The following PRKAA2 variants were observed in gnomAD, a reference collection of about 807,000 sequenced individuals.
PRKAA2 encodes 5'-AMP-activated protein kinase catalytic subunit alpha-2.
A neutral mutation model predicts 56.3 loss-of-function variants in PRKAA2; 40 were observed. That is an observed-to-expected ratio of 0.71 (90% CI 0.55 to 0.92). The LOEUF (loss-of-function observed/expected upper bound fraction) is 0.92, where lower values mean the gene tolerates loss of function less well. Ranked by LOEUF, PRKAA2 falls within the 40% of genes least tolerant of loss-of-function variation. The probability of loss-of-function intolerance (pLI) is 0.00; values close to 1 mark genes in which losing one functional copy is unlikely to be tolerated. For synonymous variants in PRKAA2, 214 were observed against 234.2 expected (o/e 0.91, Z 0.79); for missense variants, 542 against 686.9 (o/e 0.79, Z 2.36).
At chr1:56,701,992 G>A (rs1203491238) in intron 6 of PRKAA2, among the ~76,000 whole-genome samples, 1 of 151,986 alleles carries the variant, frequency 6.6e-6, no homozygotes, top group African/African-American at 2.4e-5. Flanking sequence ...AGCTGTAGAA[G>A]TTTTATCTTT....
rs1644346196 is a variant in PRKAA2, at chr1:56,708,306, A to G, written c.*593A>G. 1 of 152,262 alleles carries G rather than the reference A, an allele frequency of 6.6e-6. No individual in the cohort carries two copies. The highest frequency in any genetic ancestry group is 2.4e-5 in the African/African-American group (1 of 41,464). 9.4% of individuals were successfully genotyped at this position (152,262 alleles called of 1,614,324 possible). A position where few individuals can be genotyped will look rare whatever the true frequency, so the allele number is the denominator to read the frequency against. On this transcript the variant is annotated 3_prime_UTR_variant, in exon 9 of 9. Transcript: ENST00000371244. ...AACAGAAGGACTGTGGTCATGTAAC[A>G]GGTAACCACAATTTTCAGGTTTCTT... is the stretch of plus-strand genomic sequence containing the variant.
chr1:56,646,729 T>C (rs569314370), intron 1 of PRKAA2, among the ~76,000 whole-genome samples: 2 of 152,198 alleles, frequency 1.3e-5, no homozygotes, highest in Non-Finnish European at 2.9e-5. Flanking sequence ...AAAATTCATA[T>C]TTTAACCCCA....
intron 1 of PRKAA2, among the ~76,000 whole-genome samples, chr1:56,647,347 C>G (rs1384402841): frequency 6.6e-6 from 1 of 152,198 alleles, no homozygotes; most frequent in African/African-American, 2.4e-5. Context: ...TATAACTTAA[C>G]CCTATGTCCT....
At chr1:56,707,292 G>A (rs1043456561) in intron 8 of PRKAA2, among the ~76,000 whole-genome samples, 183 bp from the exon 9 acceptor site, 15 of 152,248 alleles carry the variant, frequency 9.9e-5, no homozygotes, top group African/African-American at 2.4e-4. Flanking sequence ...GATTGGTAGC[G>A]ATGTTTGTTA....
At chr1:56,696,595 A>G (rs1044304694) in intron 6 of PRKAA2, among the ~76,000 whole-genome samples, 2 of 152,178 alleles carry the variant, frequency 1.3e-5, no homozygotes, top group South Asian at 4.1e-4. Context: ...ATCTTTGACT[A>G]CACAATGCTA....
Position 56,704,390 on chromosome 1 carries a change from A to G in PRKAA2, c.1208A>G (p.His403Arg). ...TTAGCTGTGAAAAAAGCCAAGTGGC[A>G]TCTTGGAATCCGAAGTCAGAGCAAA... Reference protein sequence around the residue: ...KSLAVKKAKWHLGIRSQSKPY... With the variant: ...KSLAVKKAKWRLGIRSQSKPY... The change falls in exon 7 of 9, where the codon CAT (histidine) becomes CGT (arginine). Residue 403 changes from histidine (H) to arginine (R), a missense_variant. By Grantham distance (29) the His-to-Arg change is conservative. Transcript: ENST00000371244. 2.5e-6 allele frequency: 4 copies of G among 1,614,192 alleles called. No homozygotes were observed. The highest frequency in any genetic ancestry group is 3.4e-6 in the Non-Finnish European group (4 of 1,180,016).
intron 1 of PRKAA2, among the ~76,000 whole-genome samples, chr1:56,666,506 G>T (rs930062050): frequency 6.6e-6 from 1 of 152,142 alleles, no homozygotes; most frequent in African/African-American, 2.4e-5. Context: ...ACATAGACAT[G>T]TGATGCATTG....
intron 1 of PRKAA2, among the ~76,000 whole-genome samples, chr1:56,664,914 C>T (rs1405144283): frequency 1.4e-5 from 2 of 141,734 alleles, no homozygotes; most frequent in African/African-American, 5.5e-5. Flanking sequence ...ATACAAACAG[C>T]TTGCTAAGTA....
At chr1:56,700,572 C>T (rs1557562217) in intron 6 of PRKAA2, among the ~76,000 whole-genome samples, 1 of 152,152 alleles carries the variant, frequency 6.6e-6, no homozygotes, top group Non-Finnish European at 1.5e-5. Context: ...TCAGCTTTTC[C>T]TTTACCCAGC....
chr1:56,712,490 T>G lies in PRKAA2; in HGVS notation c.*4777T>G, dbSNP rs1017697092. 3 of 152,350 alleles carry G rather than the reference T, an allele frequency of 2.0e-5. No individual in the cohort carries two copies. In the South Asian group the frequency reaches 6.2e-4, roughly 32 times the overall value. 9.4% of individuals were successfully genotyped at this position (152,350 alleles called of 1,614,324 possible). On this transcript the variant is annotated 3_prime_UTR_variant, in exon 9 of 9. Coordinates refer to ENST00000371244, the MANE Select transcript of PRKAA2 (RefSeq NM_006252.4). ...AGTTATTGAGGGTGCTTAAAAATGCTGAAGAAACTTTAAAACATGATTCTT... is the reference window on the plus strand; with the variant it reads ...AGTTATTGAGGGTGCTTAAAAATGCGGAAGAAACTTTAAAACATGATTCTT...
chr1:56,692,097 A>T (rs1644232107), intron 3 of PRKAA2, among the ~76,000 whole-genome samples: 1 of 138,868 alleles, frequency 7.2e-6, no homozygotes, highest in South Asian at 2.2e-4. Flanking sequence ...CAGTGGCATG[A>T]TCTCAGCTCA....
intron 5 of PRKAA2, among the ~76,000 whole-genome samples, chr1:56,695,014 G>A (rs1644249459): frequency 6.6e-6 from 1 of 151,668 alleles, no homozygotes; most frequent in South Asian, 2.1e-4. Context: ...AATACTATAA[G>A]CATAGGTTAT....
At position 56,709,682 on chromosome 1, in the gene PRKAA2, A is replaced by G. The variant is rs994759439; in HGVS notation, c.*1969A>G. On this transcript the variant is annotated 3_prime_UTR_variant, in exon 9 of 9. Transcript: ENST00000371244. The stretch of plus-strand genomic sequence containing the variant: ...TTAGAAATAAGGAACTAATCAGATT[A>G]CTTAACCCCAATGACAAAATCCACA... 6.6e-6 allele frequency: 1 copy of G among 152,168 alleles called. No individual in the cohort carries two copies. The highest frequency in any genetic ancestry group is 2.4e-5 in the African/African-American group (1 of 41,464). The allele number at this position is 152,168 out of a possible 1,614,324, so 9.4% of individuals were successfully genotyped here. A position where few individuals can be genotyped will look rare whatever the true frequency, so the allele number is the denominator to read the frequency against.
At chr1:56,664,235 G>A (rs933977286) in intron 1 of PRKAA2, among the ~76,000 whole-genome samples, 3 of 151,964 alleles carry the variant, frequency 2.0e-5, no homozygotes, top group Non-Finnish European at 2.9e-5. Flanking sequence ...TTAATGCTTC[G>A]ATATAAATTT....
intron 1 of PRKAA2, 110 bp from the exon 2 acceptor site, chr1:56,674,271 A>G (rs2100404762): frequency 2.3e-6 from 2 of 875,888 alleles, no homozygotes; most frequent in Non-Finnish European, 3.3e-6. Context: ...AACAAGGGAT[A>G]TAAAGATGGT....
chr1:56,648,594 C>A (rs760115708), intron 1 of PRKAA2, among the ~76,000 whole-genome samples: 1 of 152,108 alleles, frequency 6.6e-6, no homozygotes, highest in Admixed American at 6.5e-5. Flanking sequence ...TGGGTCATAT[C>A]GTAGTTTTAT....
intron 8 of PRKAA2, 77 bp downstream of exon 8, chr1:56,706,295 A>T: frequency 6.5e-7 from 1 of 1,534,882 alleles, no homozygotes; most frequent in Non-Finnish European, 8.8e-7. Flanking sequence ...AATCATCTCG[A>T]AGACATCCGG....
chr1:56,659,680 TG>T (rs1385466682), intron 1 of PRKAA2, among the ~76,000 whole-genome samples: 1 of 152,072 alleles, frequency 6.6e-6, no homozygotes, highest in Non-Finnish European at 1.5e-5. Context: ...CCCAGCACTT[TG>T]GGAGGCTGAG....
intron 2 of PRKAA2, among the ~76,000 whole-genome samples, chr1:56,674,950 T>C (rs1644102958): frequency 6.6e-6 from 1 of 152,060 alleles, no homozygotes; most frequent in Non-Finnish European, 1.5e-5. Flanking sequence ...AGATAGAAAG[T>C]ATATGTCAAA....
Sources: gnomAD v4.1 joint callset for allele counts (sites outside exome capture counted in the v4.1 genomes callset) on GRCh38, gnomAD v4.1.1 for gene constraint, MANE v1.5 for transcripts, NCBI Gene and HGNC (gene_info 2026-07-23, HGNC 2026-07-21) for gene names.